Variants in NAPB observed in about 807,000 individuals in gnomAD.
NAPB encodes the protein beta-soluble NSF attachment protein.
In NAPB, 26 loss-of-function variants were observed where a neutral mutation model predicts 44.7. The ratio of observed to expected loss-of-function variants is 0.58; its 90% confidence interval spans 0.43 to 0.81. The LOEUF is 0.81. Ranked by LOEUF, NAPB falls within the 30% of genes least tolerant of loss-of-function variation. The probability of loss-of-function intolerance (pLI) is 0.00; values close to 1 mark genes in which losing one functional copy is unlikely to be tolerated. For missense variants in NAPB, 315 were observed against 356.4 expected (o/e 0.88, Z 0.94); for synonymous variants, 120 against 116.8 (o/e 1.03, Z -0.18).
chr20:23,379,505 T>C lies in NAPB; in HGVS notation c.736-10A>G, dbSNP rs1226165554. ...GAGCTTCTAGGAGTTTCTGGTAGCA[T>C]AAAAATATTTTAAAAAACAGTTCTG... On this transcript the variant is annotated splice_polypyrimidine_tract_variant and intron_variant, in intron 9 of 10. Coordinates refer to ENST00000377026, the MANE Select transcript of NAPB (RefSeq NM_022080.3). The C allele has an allele frequency of 1.3e-6, 2 of 1,599,674 alleles. No homozygotes were observed. The highest frequency in any genetic ancestry group is 1.7e-6 in the Non-Finnish European group (2 of 1,173,680).
At position 23,378,826 on chromosome 20, in the gene NAPB, C is replaced by CTTTTTTTTTTTTTTTTTTTTTTTT. The variant is rs202043703; in HGVS notation, c.786+618_786+619insAAAAAAAAAAAAAAAAAAAAAAAA. Reference sequence around the variant, plus strand: ...TTAAATTATATTTAATTTTTTTTTTCTTTTTTTTTTTGAGACAGAGTCTCG... The same window carrying CTTTTTTTTTTTTTTTTTTTTTTTT: ...TTAAATTATATTTAATTTTTTTTTTCTTTTTTTTTTTTTTTTTTTTTTTTTTTTTTTTTTTGAGACAGAGTCTCG... On this transcript the variant is annotated intron_variant, in intron 10 of 10. Transcript: ENST00000377026. The CTTTTTTTTTTTTTTTTTTTTTTTT allele has an allele frequency of 3.1e-5, 3 of 95,694 alleles. 1 individual carries two copies. Among genetic ancestry groups the CTTTTTTTTTTTTTTTTTTTTTTTT allele is most frequent in the Non-Finnish European group, 4.6e-5 (2 of 43,700 alleles). The allele number at this position is 95,694 out of a possible 1,614,324, so 5.9% of individuals were successfully genotyped here.
chr20:23,395,331 A>C, intron 3 of NAPB, 146 bp from the exon 4 acceptor site: 1 of 719,658 alleles, frequency 1.4e-6, no homozygotes, highest in South Asian at 1.7e-5. Context: ...GAAGCAAACA[A>C]AAATCATGCA....
intron 1 of NAPB, among the ~76,000 whole-genome samples, chr20:23,420,116 A>C (rs1041113142): frequency 6.6e-6 from 1 of 152,196 alleles, no homozygotes; most frequent in African/African-American, 2.4e-5. Flanking sequence ...GGCACACACA[A>C]AATTTCTGCC....
intron 1 of NAPB, among the ~76,000 whole-genome samples, chr20:23,408,499 G>C (rs1236961944): frequency 6.6e-6 from 1 of 152,192 alleles, no homozygotes; most frequent in African/African-American, 2.4e-5. Context: ...ACGTGCCTCT[G>C]CCATACACAA....
chr20:23,379,758 C>A (rs1012669587), intron 9 of NAPB, 109 bp downstream of exon 9: 3 of 808,348 alleles, frequency 3.7e-6, no homozygotes, highest in Non-Finnish European at 6.0e-6. Context: ...CAGGGCCCCT[C>A]AGTTAGCAGA....
intron 1 of NAPB, among the ~76,000 whole-genome samples, chr20:23,410,466 T>C (rs1286497481): frequency 6.6e-6 from 1 of 152,206 alleles, no homozygotes; most frequent in Non-Finnish European, 1.5e-5. Context: ...CCGCATGTTT[T>C]CACTTATAAG....
chr20:23,391,671 A>G (rs1983967876), intron 5 of NAPB, among the ~76,000 whole-genome samples: 1 of 152,234 alleles, frequency 6.6e-6, no homozygotes, highest in Non-Finnish European at 1.5e-5. Flanking sequence ...AGCCATACAC[A>G]AGATATAAAT....
chr20:23,411,427 G>A (rs73086800), intron 1 of NAPB, among the ~76,000 whole-genome samples: 4,197 of 152,228 alleles, frequency 0.028, 81 homozygotes, highest in Non-Finnish European at 0.045. Flanking sequence ...AAAAAAGTGT[G>A]AGCCAAGGAT....
At chr20:23,421,079 T>G in intron 1 of NAPB, among the ~76,000 whole-genome samples, 1 of 149,888 alleles carries the variant, frequency 6.7e-6, no homozygotes, top group Admixed American at 6.6e-5. Flanking sequence ...GCCTGTGGGG[T>G]CTCTGGAGGG....
chr20:23,384,669 T>C (rs187933408), intron 7 of NAPB, among the ~76,000 whole-genome samples: 11 of 149,020 alleles, frequency 7.4e-5, no homozygotes, highest in Admixed American at 1.3e-4. Flanking sequence ...CATAAAAAGG[T>C]TGGAAAAAGA....
At chr20:23,413,397 G>A (rs981708444) in intron 1 of NAPB, among the ~76,000 whole-genome samples, 1 of 152,072 alleles carries the variant, frequency 6.6e-6, no homozygotes, top group African/African-American at 2.4e-5. Context: ...AGAAAAAAAT[G>A]TATAGCCATG....
intron 1 of NAPB, among the ~76,000 whole-genome samples, chr20:23,410,729 T>A (rs190783400): frequency 3.6e-4 from 55 of 151,938 alleles, no homozygotes; most frequent in Non-Finnish European, 6.6e-4. Flanking sequence ...AAATGAGCCA[T>A]ACCAAAAAAG....
intron 5 of NAPB, among the ~76,000 whole-genome samples, chr20:23,391,953 T>A (rs1314337526): frequency 6.6e-6 from 1 of 152,186 alleles, no homozygotes. Context: ...ATTAGTTAAG[T>A]GGCTTCAAGG....
intron 1 of NAPB, among the ~76,000 whole-genome samples, chr20:23,416,632 C>G (rs1188160553): frequency 6.6e-6 from 1 of 151,934 alleles, no homozygotes. Context: ...AATTTATAAT[C>G]GATTTCTTTT....
Position 23,379,890 on chromosome 20 carries a change from A to C in NAPB, c.712T>G (p.Ser238Ala). Residue 238 changes from serine to alanine, a missense_variant, in exon 9 of 11, where the codon TCA (serine) becomes GCA (alanine). By Grantham distance (99) the Ser-to-Ala change is moderately conservative (BLOSUM62 1). Coordinates refer to ENST00000377026, the MANE Select transcript of NAPB (RefSeq NM_022080.3). Reference sequence around the variant, plus strand: ...ACTTTCAATAATTTACATTCTCTTGAATCAGTAAATGCTGGAAACATTTCC... The same window carrying C: ...ACTTTCAATAATTTACATTCTCTTGCATCAGTAAATGCTGGAAACATTTCC... ...YEEMFPAFTD[S>A]RECKLLKKLL... 2 of 1,612,766 alleles carry C rather than the reference A, an allele frequency of 1.2e-6. No homozygotes were observed. Among genetic ancestry groups the C allele is most frequent in the Non-Finnish European group, 1.7e-6 (2 of 1,179,064 alleles).
At chr20:23,383,899 T>A (rs956370196) in intron 7 of NAPB, among the ~76,000 whole-genome samples, 4 of 152,132 alleles carry the variant, frequency 2.6e-5, no homozygotes, top group Admixed American at 2.6e-4. Context: ...ATATATTGAA[T>A]AGGGGGAGTA....
chr20:23,377,641 TA>T (rs1273095371), intron 10 of NAPB, among the ~76,000 whole-genome samples, 155 bp from the exon 11 acceptor site: 5 of 152,250 alleles, frequency 3.3e-5, no homozygotes, highest in Admixed American at 2.0e-4. Context: ...CTTTCTTCAT[TA>T]AAAAATTGTT....
intron 9 of NAPB, 83 bp from the exon 10 acceptor site, chr20:23,379,578 T>C (rs1348724646): frequency 9.3e-7 from 1 of 1,075,952 alleles, no homozygotes; most frequent in African/African-American, 1.6e-5. Flanking sequence ...ATAATACCAA[T>C]GTTGCCAAAT....
At chr20:23,406,247 C>T (rs6036402) in intron 1 of NAPB, among the ~76,000 whole-genome samples, 7,379 of 152,110 alleles carry the variant, frequency 0.049, 337 homozygotes, top group African/African-American at 0.12. Context: ...GTTACAGCAG[C>T]GCAAAGCAGG....
Sources: allele counts gnomAD v4.1 joint callset (sites outside exome capture counted in the v4.1 genomes callset), GRCh38; gene constraint gnomAD v4.1.1; transcripts MANE v1.5; gene names NCBI Gene and HGNC (gene_info 2026-07-23, HGNC 2026-07-21).